The following RPRD1A variants were observed in gnomAD, a reference collection of about 807,000 sequenced individuals.
RPRD1A encodes the protein regulation of nuclear pre-mRNA domain containing 1A.
Under a neutral mutation model 37.8 loss-of-function variants are expected in RPRD1A, and 9 were observed. The observed-to-expected ratio is 0.24, with a 90% CI of 0.14 to 0.42. The LOEUF is 0.42. Among genes scored for constraint, RPRD1A ranks in the 10% least tolerant of loss-of-function variants. RPRD1A has a pLI of 1.00. For missense variants in RPRD1A, 255 were observed against 371.0 expected (o/e 0.69, Z 2.57); for synonymous variants, 138 against 139.7 (o/e 0.99, Z 0.08).
At chr18:36,020,653 A>T (rs1443615154) in intron 6 of RPRD1A, among the ~76,000 whole-genome samples, 1 of 152,130 alleles carries the variant, frequency 6.6e-6, no homozygotes, top group Non-Finnish European at 1.5e-5. Flanking sequence ...AACACAGCAA[A>T]ACCTCATCTC....
chr18:36,040,362 T>C (rs1056306224), intron 1 of RPRD1A, among the ~76,000 whole-genome samples: 5 of 152,192 alleles, frequency 3.3e-5, no homozygotes, highest in Non-Finnish European at 7.3e-5. Flanking sequence ...AAATGTGTTA[T>C]GAAACATTAG....
At chr18:36,066,921 C>T (rs1220268205) in intron 1 of RPRD1A, among the ~76,000 whole-genome samples, 1 of 152,218 alleles carries the variant, frequency 6.6e-6, no homozygotes, top group African/African-American at 2.4e-5. Context: ...CCTTCTCCCT[C>T]CCTTATCCTC....
At chr18:36,055,335 T>TA (rs1568150892) in intron 1 of RPRD1A, among the ~76,000 whole-genome samples, 1 of 152,212 alleles carries the variant, frequency 6.6e-6, no homozygotes. Flanking sequence ...TTTCCCAACT[T>TA]AGAGAAAAAC....
At chr18:36,001,532 A>G (rs1909417270) in intron 6 of RPRD1A, among the ~76,000 whole-genome samples, 1 of 152,148 alleles carries the variant, frequency 6.6e-6, no homozygotes, top group African/African-American at 2.4e-5. Flanking sequence ...GTGTTTCCCA[A>G]ATTGGGTGTT....
At chr18:36,015,333 C>G (rs552344006) in intron 6 of RPRD1A, among the ~76,000 whole-genome samples, 12 of 152,072 alleles carry the variant, frequency 7.9e-5, no homozygotes, top group Admixed American at 5.9e-4. Context: ...CTGCCTCAGC[C>G]TCTCAAATAG....
rs1158485166 is a variant in RPRD1A, at chr18:35,992,138, C to T, written c.*1013G>A. 1 of 152,660 alleles carries T rather than the reference C, an allele frequency of 6.6e-6. No individual in the cohort carries two copies. Among genetic ancestry groups the T allele is most frequent in the East Asian group, 1.9e-4 (1 of 5,186 alleles). The allele number at this position is 152,660 out of a possible 1,614,324, so 9.5% of individuals were successfully genotyped here. A position where few individuals can be genotyped will look rare whatever the true frequency, so the allele number is the denominator to read the frequency against. The stretch of plus-strand genomic sequence containing the variant: ...CCTGTAGTGTGGCACTGCTTAACTG[C>T]CAAATATACAGTCATTCAAAAACCT... On this transcript the variant is annotated 3_prime_UTR_variant, in exon 7 of 7. Transcript: ENST00000399022.
chr18:36,049,857 G>A (rs755155937), intron 1 of RPRD1A, among the ~76,000 whole-genome samples: 5 of 152,084 alleles, frequency 3.3e-5, no homozygotes, highest in Admixed American at 6.6e-5. Context: ...ACTGAATCAC[G>A]GTAATAGTAT....
intron 6 of RPRD1A, among the ~76,000 whole-genome samples, chr18:36,018,815 A>AG (rs1321698679): frequency 6.6e-6 from 1 of 152,176 alleles, no homozygotes; most frequent in Non-Finnish European, 1.5e-5. Context: ...AGTTGGGAAG[A>AG]GGGGGCCAGA....
At chr18:36,014,621 T>C (rs1221536287) in intron 6 of RPRD1A, among the ~76,000 whole-genome samples, 3 of 152,104 alleles carry the variant, frequency 2.0e-5, no homozygotes, top group East Asian at 3.9e-4. Flanking sequence ...CGGGCGCCTA[T>C]AGTCCCAGCT....
chr18:35,994,859 A>T (rs1908930217), intron 6 of RPRD1A, among the ~76,000 whole-genome samples: 1 of 152,034 alleles, frequency 6.6e-6, no homozygotes, highest in Non-Finnish European at 1.5e-5. Flanking sequence ...ATCAAACTTT[A>T]TTTTTTGTGG....
intron 1 of RPRD1A, among the ~76,000 whole-genome samples, chr18:36,066,946 G>A (rs977346476): frequency 2.6e-5 from 4 of 152,150 alleles, no homozygotes; most frequent in Non-Finnish European, 5.9e-5. Flanking sequence ...ATCATTCACA[G>A]AATGAAAAAA....
At chr18:36,010,249 G>A (rs1240422632) in intron 6 of RPRD1A, among the ~76,000 whole-genome samples, 1 of 151,906 alleles carries the variant, frequency 6.6e-6, no homozygotes, top group Non-Finnish European at 1.5e-5. Flanking sequence ...CAGGTGGATC[G>A]CTTGAGCCCA....
chr18:36,039,199 G>A (rs905266314), intron 1 of RPRD1A, among the ~76,000 whole-genome samples: 1 of 152,194 alleles, frequency 6.6e-6, no homozygotes. Context: ...CATGTCAGGG[G>A]AGGGGCCTGG....
At chr18:36,059,509 TTAAA>T (rs2088863061) in intron 1 of RPRD1A, among the ~76,000 whole-genome samples, 1 of 152,150 alleles carries the variant, frequency 6.6e-6, no homozygotes, top group African/African-American at 2.4e-5. Context: ...CAAATAATTA[TTAAA>T]TAAATTTTTA....
intron 1 of RPRD1A, among the ~76,000 whole-genome samples, chr18:36,066,990 G>T (rs1348612336): frequency 6.6e-6 from 1 of 152,128 alleles, no homozygotes; most frequent in Non-Finnish European, 1.5e-5. Context: ...GCCCTAATTG[G>T]GTGTGGAGTC....
intron 4 of RPRD1A, chr18:36,028,185 T>C (rs1016043632): frequency 6.6e-6 from 1 of 152,046 alleles, no homozygotes; most frequent in African/African-American, 2.4e-5. Flanking sequence ...ACATATGCTT[T>C]AAAAAATATA....
At chr18:36,000,475 TAAC>T (rs1175905118) in intron 6 of RPRD1A, among the ~76,000 whole-genome samples, 1 of 152,246 alleles carries the variant, frequency 6.6e-6, no homozygotes, top group Non-Finnish European at 1.5e-5. Context: ...TCCAGATTGT[TAAC>T]AACATGTGGA....
At chr18:36,051,352 C>T (rs1913380365) in intron 1 of RPRD1A, among the ~76,000 whole-genome samples, 1 of 152,094 alleles carries the variant, frequency 6.6e-6, no homozygotes, top group South Asian at 2.1e-4. Context: ...TTAAAGACTA[C>T]TGCTCTAAAA....
At chr18:36,033,224 C>T (rs145821468) in intron 2 of RPRD1A, among the ~76,000 whole-genome samples, 1 of 142,466 alleles carries the variant, frequency 7.0e-6, no homozygotes, top group African/African-American at 2.6e-5. Context: ...ATCGCTTGAA[C>T]CCAAGCGGCA....
Sources: allele counts gnomAD v4.1 joint callset (sites outside exome capture counted in the v4.1 genomes callset), GRCh38; gene constraint gnomAD v4.1.1; transcripts MANE v1.5; gene names NCBI Gene and HGNC (gene_info 2026-07-23, HGNC 2026-07-21).